Variants in DIP2C observed in about 807,000 individuals in gnomAD.
DIP2C encodes DIP2 acetate--CoA ligase C (putative), also known as disco-interacting protein 2 homolog C.
In DIP2C, 33 loss-of-function variants were observed where a neutral mutation model predicts 192.4. That is an observed-to-expected ratio of 0.17 (90% CI 0.13 to 0.23). The LOEUF (loss-of-function observed/expected upper bound fraction) is 0.23, where lower values mean the gene tolerates loss of function less well. DIP2C is among the 10% of genes least tolerant of loss of function. The probability of loss-of-function intolerance (pLI) is 1.00; values close to 1 mark genes in which losing one functional copy is unlikely to be tolerated. For synonymous variants in DIP2C, 979 were observed against 864.1 expected (o/e 1.13, Z -2.33); for missense variants, 1,537 against 2,110.1 (o/e 0.73, Z 5.32).
chr10:592,545 G>T (rs181637311), intron 1 of DIP2C, among the ~76,000 whole-genome samples: 1 of 152,284 alleles, frequency 6.6e-6, no homozygotes, highest in South Asian at 2.1e-4. Context: ...TGCTTAAAGT[G>T]AACTGACTAG....
At chr10:293,409 A>C (rs557325360) in intron 32 of DIP2C, among the ~76,000 whole-genome samples, 3 of 151,832 alleles carry the variant, frequency 2.0e-5, no homozygotes, top group Admixed American at 2.0e-4. Flanking sequence ...TGTGCCGCTG[A>C]AAAAACAACC....
At chr10:441,216 C>T (rs1264312848) in intron 3 of DIP2C, 1 of 544,804 alleles carries the variant, frequency 1.8e-6, no homozygotes, top group Non-Finnish European at 3.1e-6. Context: ...GAATCCATAT[C>T]CATAAGCAAA....
intron 1 of DIP2C, among the ~76,000 whole-genome samples, chr10:673,195 C>G (rs1830730006): frequency 6.6e-6 from 1 of 152,196 alleles, no homozygotes; most frequent in Non-Finnish European, 1.5e-5. Flanking sequence ...GATCCCCAAT[C>G]TTGGTGTTAA....
intron 1 of DIP2C, among the ~76,000 whole-genome samples, chr10:556,491 C>G (rs1036950091): frequency 2.0e-5 from 3 of 149,594 alleles, no homozygotes; most frequent in African/African-American, 7.5e-5. Context: ...CAGCGGCCAC[C>G]TGACTCTACC....
At chr10:670,258 G>A (rs1391658667) in intron 1 of DIP2C, among the ~76,000 whole-genome samples, 18 of 151,608 alleles carry the variant, frequency 1.2e-4, no homozygotes, top group Admixed American at 1.2e-3. Flanking sequence ...ACACGTACAT[G>A]CACATACACG....
At chr10:398,584 C>T (rs932718945) in intron 10 of DIP2C, among the ~76,000 whole-genome samples, 3 of 152,242 alleles carry the variant, frequency 2.0e-5, no homozygotes, top group East Asian at 3.8e-4. Flanking sequence ...CGTCCTCAAC[C>T]TTGGCAAAAT....
chr10:513,624 C>CTGAAAAG (rs1554887558), intron 1 of DIP2C, among the ~76,000 whole-genome samples: 4 of 152,100 alleles, frequency 2.6e-5, no homozygotes, highest in Non-Finnish European at 5.9e-5. Context: ...CACACCTTAC[C>CTGAAAAG]TGAAAGTCAC....
At chr10:634,603 T>G (rs1024404334) in intron 1 of DIP2C, among the ~76,000 whole-genome samples, 1 of 151,934 alleles carries the variant, frequency 6.6e-6, no homozygotes, top group African/African-American at 2.4e-5. Context: ...ATACAAAAAT[T>G]TAGCTGGGTG....
At position 340,490 on chromosome 10, in the gene DIP2C, G is replaced by A. The variant is rs188196300; in HGVS notation, c.3584+709C>T. Among the ~76,000 whole-genome samples, 149 of 152,238 alleles carry A rather than the reference G, an allele frequency of 9.8e-4. 1 individual carries two copies. The highest frequency in any genetic ancestry group is 1.6e-4 in the Non-Finnish European group (11 of 68,016). ...GCTTGAAAACGCTCCATTAGAAAAT[G>A]AACTCTGAAAACTATATGCCCAATG... On this transcript the variant is annotated intron_variant, in intron 29 of 36. Transcript: ENST00000280886.
intron 29 of DIP2C, among the ~76,000 whole-genome samples, chr10:336,923 G>GT (rs1957807573): frequency 2.9e-5 from 1 of 34,238 alleles, no homozygotes; most frequent in African/African-American, 6.5e-5. Context: ...TGTGTGTGTT[G>GT]TGGAGGCCTA....
chr10:617,177 CCTA>C (rs1853525310), intron 1 of DIP2C, among the ~76,000 whole-genome samples: 1 of 58,074 alleles, frequency 1.7e-5, no homozygotes, highest in African/African-American at 3.1e-5. Flanking sequence ...GCCCCCCGCC[CCTA>C]CTGTGTTGGT....
chr10:308,072 G>A (rs1019530020), intron 32 of DIP2C, among the ~76,000 whole-genome samples: 9 of 150,056 alleles, frequency 6.0e-5, no homozygotes, highest in Non-Finnish European at 1.0e-4. Flanking sequence ...CCCAGCACAC[G>A]GTCCATCTGG....
rs761306677 is a variant in DIP2C at position 374,834 on chromosome 10, C to T, written c.1992-5201G>A. 1.1e-4 allele frequency among the ~76,000 whole-genome samples: 17 copies of T among 152,208 alleles called. 1 individual carries two copies. Among genetic ancestry groups the T allele is most frequent in the Non-Finnish European group, 2.1e-4 (14 of 68,034 alleles). On this transcript the variant is annotated intron_variant, in intron 17 of 36. Coordinates refer to ENST00000280886, the MANE Select transcript of DIP2C (RefSeq NM_014974.3). ...GCAGAATTCGAGGGGGTTTAAAAAACATCCACCTTAATAATCAATATCAGT... is the reference window on the plus strand; with the variant it reads ...GCAGAATTCGAGGGGGTTTAAAAAATATCCACCTTAATAATCAATATCAGT...
intron 1 of DIP2C, among the ~76,000 whole-genome samples, chr10:514,433 T>G (rs573293106): frequency 5.8e-4 from 88 of 152,132 alleles, no homozygotes; most frequent in Admixed American, 1.8e-3. Flanking sequence ...GTTCCAGGCG[T>G]CTTCTTTGTC....
intron 3 of DIP2C, among the ~76,000 whole-genome samples, chr10:460,250 T>C (rs1969662864): frequency 6.6e-6 from 1 of 152,158 alleles, no homozygotes; most frequent in African/African-American, 2.4e-5. Context: ...GAAAAAAAGG[T>C]GATAACTAAA....
intron 3 of DIP2C, among the ~76,000 whole-genome samples, chr10:445,279 G>A (rs1968075264): frequency 6.6e-6 from 1 of 151,534 alleles, no homozygotes; most frequent in Non-Finnish European, 1.5e-5. Context: ...TACAACTGTT[G>A]TGAAGAGTCT....
At chr10:588,480 G>A (rs1409216765) in intron 1 of DIP2C, among the ~76,000 whole-genome samples, 3 of 152,252 alleles carry the variant, frequency 2.0e-5, no homozygotes, top group Non-Finnish European at 4.4e-5. Context: ...GCTGGAATGA[G>A]AGGTCAGGGA....
intron 1 of DIP2C, among the ~76,000 whole-genome samples, chr10:686,618 G>C (rs1341559454): frequency 6.6e-6 from 1 of 152,268 alleles, no homozygotes; most frequent in Non-Finnish European, 1.5e-5. Flanking sequence ...TCCCACAAGA[G>C]GGCTGCCCAG....
intron 1 of DIP2C, among the ~76,000 whole-genome samples, chr10:593,485 A>ACCCCCCCCCCCCC (rs10563749): frequency 7.8e-5 from 5 of 64,210 alleles, no homozygotes; most frequent in African/African-American, 1.9e-4. Context: ...CCCACGCGGG[A>ACCCCCCCCCCCCC]CCCCCCCCCC....
Sources: allele counts gnomAD v4.1 joint callset (sites outside exome capture counted in the v4.1 genomes callset), GRCh38; gene constraint gnomAD v4.1.1; transcripts MANE v1.5; gene names NCBI Gene and HGNC (gene_info 2026-07-23, HGNC 2026-07-21).